Variants in VMP1 observed in about 807,000 individuals in gnomAD.
VMP1 encodes the protein vacuole membrane protein 1.
In VMP1, 11 loss-of-function variants were observed where a neutral mutation model predicts 56.0. The observed-to-expected ratio is 0.20, with a 90% CI of 0.12 to 0.32. The LOEUF (loss-of-function observed/expected upper bound fraction) is 0.32, where lower values mean the gene tolerates loss of function less well. Ranked by LOEUF, VMP1 falls within the 10% of genes least tolerant of loss-of-function variation. VMP1 has a pLI of 1.00. For missense variants in VMP1, 296 were observed against 490.3 expected (o/e 0.60, Z 3.74); for synonymous variants, 149 against 165.0 (o/e 0.90, Z 0.74).
rs528825233 is a variant in VMP1 at position 59,824,621 on chromosome 17, C to A, written c.974+6848C>A. Among the ~76,000 whole-genome samples, 558 of 150,110 alleles carry A rather than the reference C, an allele frequency of 3.7e-3. 3 individuals are homozygous for A. The highest frequency in any genetic ancestry group is 3.8e-3 in the Non-Finnish European group (254 of 67,636). ...GGCGCAGTGGCCCACGCCTGTAATC[C>A]CAGCACTTTGGGAGGCCGAGGTGGG... On this transcript the variant is annotated intron_variant, in intron 10 of 11. Coordinates refer to ENST00000262291, the MANE Select transcript of VMP1 (RefSeq NM_030938.5).
intron 10 of VMP1, among the ~76,000 whole-genome samples, chr17:59,822,416 C>T (rs761565495): frequency 6.6e-6 from 1 of 150,488 alleles, no homozygotes; most frequent in Middle Eastern, 3.4e-3. Context: ...CCAATCTCCG[C>T]CTCCCGGGTT....
chr17:59,775,701 G>T (rs771794183), intron 7 of VMP1, among the ~76,000 whole-genome samples: 14 of 152,190 alleles, frequency 9.2e-5, no homozygotes, highest in Non-Finnish European at 1.0e-4. Flanking sequence ...TCAGATTAAT[G>T]AATGCCCTGG....
intron 10 of VMP1, among the ~76,000 whole-genome samples, chr17:59,824,944 C>T (rs973349474): frequency 1.3e-5 from 2 of 151,346 alleles, no homozygotes; most frequent in African/African-American, 2.4e-5. Context: ...TTTGGGAGGC[C>T]GAGGCAGATG....
At chr17:59,774,701 G>T (rs2036555147) in intron 7 of VMP1, among the ~76,000 whole-genome samples, 1 of 151,878 alleles carries the variant, frequency 6.6e-6, no homozygotes. Context: ...GTTTGTTTTT[G>T]ATTTAGGGTC....
intron 7 of VMP1, among the ~76,000 whole-genome samples, chr17:59,786,787 C>T (rs776207009): frequency 8.5e-5 from 13 of 152,166 alleles, no homozygotes; most frequent in Non-Finnish European, 1.3e-4. Context: ...GTTTGTGTTG[C>T]GTCAGGAGTT....
rs531489416 is a variant in VMP1, at chr17:59,716,208, G to A, written c.-27+8460G>A. ...CCCAGACTTTTCCAAGTCCAAATTC[G>A]GTAGTTCTTCTACTTTAGTGTACAC... On this transcript the variant is annotated intron_variant, in intron 1 of 11. Coordinates refer to ENST00000262291, the MANE Select transcript of VMP1 (RefSeq NM_030938.5). Among the ~76,000 whole-genome samples the A allele has an allele frequency of 6.7e-4, 102 of 152,126 alleles. 1 individual carries two copies. In the South Asian group the frequency reaches 0.021, roughly 31 times the overall value.
In VMP1 at chr17:59,725,166, GATA is replaced by G. The variant is rs970989801; in HGVS notation, c.-26-6241_-26-6239del. The stretch of plus-strand genomic sequence containing the variant: ...AGCGAGACTGTCTCAAAATAATAAT[GATA>G]ATAATAATAATAACTGGCACATAAT... On this transcript the variant is annotated intron_variant, in intron 1 of 11. Transcript: ENST00000262291. Among the ~76,000 whole-genome samples, 7 of 151,656 alleles carry G rather than the reference GATA, an allele frequency of 4.6e-5. No homozygotes were observed. The East Asian group carries it at 1.2e-3, about 25-fold the overall frequency.
At chr17:59,778,696 T>G (rs1452531334) in intron 7 of VMP1, among the ~76,000 whole-genome samples, 1 of 152,226 alleles carries the variant, frequency 6.6e-6, no homozygotes, top group Admixed American at 6.5e-5. Flanking sequence ...TGTCTATTGA[T>G]CTTTTCTTGG....
intron 6 of VMP1, among the ~76,000 whole-genome samples, chr17:59,766,213 A>G (rs2036226610): frequency 6.6e-6 from 1 of 152,080 alleles, no homozygotes; most frequent in Admixed American, 6.6e-5. Flanking sequence ...AGATTAAAAT[A>G]CTGTGCTCTG....
intron 5 of VMP1, among the ~76,000 whole-genome samples, chr17:59,749,053 GT>G (rs1376630665): frequency 6.6e-6 from 1 of 150,408 alleles, no homozygotes; most frequent in Non-Finnish European, 1.5e-5. Context: ...GGGTTCCAGT[GT>G]TTCTCCTGCC....
chr17:59,838,014 T>TTCTGA (rs1374615845), intron 10 of VMP1: 1 of 254,314 alleles, frequency 3.9e-6, no homozygotes. Flanking sequence ...TGGAAGCGGT[T>TTCTGA]TCTGATTTAC....
intron 7 of VMP1, chr17:59,785,172 C>T (rs141355593): frequency 2.0e-4 from 31 of 152,114 alleles, no homozygotes; most frequent in African/African-American, 4.3e-4. Context: ...AGAGTAGAAA[C>T]GTTGTGGTAC....
intron 5 of VMP1, among the ~76,000 whole-genome samples, chr17:59,763,996 A>G (rs1874548): frequency 0.19 from 28,767 of 151,988 alleles, 3,357 homozygotes; most frequent in East Asian, 0.44. Flanking sequence ...ATTTTAACCA[A>G]CTCCCTAGTA....
chr17:59,717,616 C>T (rs1160421382), intron 1 of VMP1, among the ~76,000 whole-genome samples: 4 of 152,176 alleles, frequency 2.6e-5, no homozygotes, highest in Non-Finnish European at 5.9e-5. Context: ...CTCCTGGCCT[C>T]AAACGATCCT....
intron 7 of VMP1, among the ~76,000 whole-genome samples, chr17:59,794,074 C>G (rs2037340011): frequency 1.3e-5 from 2 of 151,326 alleles, no homozygotes; most frequent in South Asian, 4.2e-4. Context: ...GCACCTGCCA[C>G]CACGCCTGGC....
chr17:59,777,019 A>G (rs1294453691), intron 7 of VMP1, among the ~76,000 whole-genome samples: 2 of 152,110 alleles, frequency 1.3e-5, no homozygotes, highest in Non-Finnish European at 2.9e-5. Context: ...CCCTGTAAAA[A>G]CATCTCATGA....
At chr17:59,769,328 A>G (rs775358301) in intron 6 of VMP1, among the ~76,000 whole-genome samples, 1 of 151,208 alleles carries the variant, frequency 6.6e-6, no homozygotes, top group Non-Finnish European at 1.5e-5. Flanking sequence ...ATTTTTTTGT[A>G]TTTTTAGTAG....
chr17:59,726,517 C>T (rs1029269136), intron 1 of VMP1, among the ~76,000 whole-genome samples: 3 of 152,212 alleles, frequency 2.0e-5, no homozygotes, highest in Admixed American at 6.5e-5. Flanking sequence ...TGGTCTCGAA[C>T]TCCTGACCTC....
chr17:59,757,236 TGGA>T (rs2035872289), intron 5 of VMP1, among the ~76,000 whole-genome samples: 1 of 132,346 alleles, frequency 7.6e-6, no homozygotes, highest in African/African-American at 2.9e-5. Flanking sequence ...CAGATTAGGA[TGGA>T]GATAGATAGA....
Sources: gnomAD v4.1 joint callset for allele counts (sites outside exome capture counted in the v4.1 genomes callset) on GRCh38, gnomAD v4.1.1 for gene constraint, MANE v1.5 for transcripts, NCBI Gene and HGNC (gene_info 2026-07-23, HGNC 2026-07-21) for gene names.